The following ADGRL4 variants were observed in gnomAD, a reference collection of about 807,000 sequenced individuals.
The protein encoded by ADGRL4 is EGF, latrophilin and seven transmembrane domain containing 1.
A neutral mutation model predicts 74.8 loss-of-function variants in ADGRL4; 90 were observed. That is an observed-to-expected ratio of 1.20 (90% CI 1.02 to 1.43). ADGRL4 has a LOEUF of 1.43. Ranked by LOEUF, ADGRL4 falls within the 40% of genes most tolerant of loss-of-function variation. The pLI, the probability that ADGRL4 is intolerant of heterozygous loss-of-function variation, is 0.00. For missense variants in ADGRL4, 881 were observed against 814.3 expected (o/e 1.08, Z -1.00); for synonymous variants, 311 against 279.2 (o/e 1.11, Z -1.14).
chr1:78,903,835 C>T (rs928884443), intron 12 of ADGRL4, among the ~76,000 whole-genome samples: 8 of 151,948 alleles, frequency 5.3e-5, no homozygotes, highest in Middle Eastern at 3.4e-3. Context: ...ACTCAGGAGG[C>T]TGAGGCAGGA....
intron 3 of ADGRL4, among the ~76,000 whole-genome samples, chr1:78,941,285 A>G (rs192235814): frequency 4.2e-4 from 64 of 152,322 alleles, no homozygotes; most frequent in Admixed American, 1.2e-3. Flanking sequence ...ATCACTTGTC[A>G]TGAAATCAAT....
rs1570215692 is a variant in ADGRL4, at chr1:78,904,980, T to C, written c.1750-11791A>G. The stretch of plus-strand genomic sequence containing the variant: ...TTGAAGTGACCAAAACTACATATAA[T>C]GTGTATTTATTCAACAATTGGATAA... On this transcript the variant is annotated intron_variant, in intron 12 of 14. Coordinates refer to ENST00000370742, the MANE Select transcript of ADGRL4 (RefSeq NM_022159.4). Among the ~76,000 whole-genome samples, 4 of 152,188 alleles carry C rather than the reference T, an allele frequency of 2.6e-5. No individual in the cohort carries two copies. In the South Asian group the frequency reaches 6.2e-4, roughly 24 times the overall value.
At chr1:78,989,176 T>G (rs7540635) in intron 2 of ADGRL4, among the ~76,000 whole-genome samples, 91,572 of 151,440 alleles carry the variant, frequency 0.6, 27,991 homozygotes, top group South Asian at 0.69. Flanking sequence ...GTTTCCAAAT[T>G]TTGATAATAT....
At chr1:78,924,295 AT>A (rs1234138998) in intron 8 of ADGRL4, among the ~76,000 whole-genome samples, 6 of 152,046 alleles carry the variant, frequency 3.9e-5, no homozygotes, top group Non-Finnish European at 8.8e-5. Flanking sequence ...GTATATGTAT[AT>A]TTATATAAAA....
At chr1:78,893,058 CAAAAAAAA>C in intron 13 of ADGRL4, 32 bp downstream of exon 13, 1 of 847,864 alleles carries the variant, frequency 1.2e-6, no homozygotes, top group Non-Finnish European at 1.7e-6. Flanking sequence ...TTTTAATTAC[CAAAAAAAA>C]AAAAAAAAAG....
intron 2 of ADGRL4, among the ~76,000 whole-genome samples, chr1:78,958,133 C>T (rs961168409): frequency 1.3e-5 from 2 of 151,888 alleles, no homozygotes; most frequent in African/African-American, 4.8e-5. Context: ...AGGTTCCTTT[C>T]AAAATATTAC....
intron 2 of ADGRL4, among the ~76,000 whole-genome samples, chr1:78,954,403 A>G (rs1008997279): frequency 1.3e-5 from 2 of 152,130 alleles, no homozygotes; most frequent in Non-Finnish European, 2.9e-5. Context: ...TTCAAAATCT[A>G]ACATAAGAGA....
At chr1:78,950,087 G>A (rs1649690030) in intron 2 of ADGRL4, among the ~76,000 whole-genome samples, 1 of 152,066 alleles carries the variant, frequency 6.6e-6, no homozygotes, top group South Asian at 2.1e-4. Flanking sequence ...TAGTACAGTG[G>A]CAACTGGAAG....
intron 12 of ADGRL4, among the ~76,000 whole-genome samples, chr1:78,901,874 A>T (rs901327472): frequency 6.6e-6 from 1 of 152,152 alleles, no homozygotes; most frequent in East Asian, 1.9e-4. Context: ...GAGCTAAAAG[A>T]TATTTCTCTG....
intron 2 of ADGRL4, among the ~76,000 whole-genome samples, chr1:78,973,508 A>C (rs1179886895): frequency 1.3e-5 from 2 of 151,278 alleles, no homozygotes; most frequent in East Asian, 3.9e-4. Flanking sequence ...TACAAATTAA[A>C]TAAAATGTAA....
chr1:79,004,700 C>T (rs1317606005), intron 2 of ADGRL4, among the ~76,000 whole-genome samples: 1 of 152,028 alleles, frequency 6.6e-6, no homozygotes, highest in Non-Finnish European at 1.5e-5. Flanking sequence ...TATAAAAATA[C>T]TTATATACTT....
At chr1:78,927,474 T>C (rs1380367865) in intron 7 of ADGRL4, among the ~76,000 whole-genome samples, 1 of 152,094 alleles carries the variant, frequency 6.6e-6, no homozygotes, top group Non-Finnish European at 1.5e-5. Flanking sequence ...TTAAGAGGTA[T>C]TGGGAGGAAA....
At chr1:78,943,804 T>C (rs370959477) in intron 3 of ADGRL4, among the ~76,000 whole-genome samples, 10 of 152,216 alleles carry the variant, frequency 6.6e-5, no homozygotes, top group African/African-American at 2.4e-4. Context: ...ACAACAAAAA[T>C]TGATGAGAAA....
chr1:78,913,498 T>C (rs1648806468), intron 12 of ADGRL4, among the ~76,000 whole-genome samples: 1 of 151,852 alleles, frequency 6.6e-6, no homozygotes. Flanking sequence ...TGGAGGTCAT[T>C]ATCCTTTGCA....
Position 78,936,378 on chromosome 1 carries a change from A to G in ADGRL4, c.794T>C (p.Met265Thr), listed in dbSNP as rs1171796727. 3 of 1,571,338 alleles carry G rather than the reference A, an allele frequency of 1.9e-6. No homozygotes were observed. The Admixed American group carries it at 6.3e-5, about 33-fold the overall frequency. ...ATTCATATGAGGATGAATATGTTTC[A>G]TGTTATATGAATCAAAAAAGAAAAC... ...LKVFFFDSYNMKHIHPHMNMD... is the reference protein window; with the variant it reads ...LKVFFFDSYNTKHIHPHMNMD... Residue 265 changes from methionine (M) to threonine (T), a missense_variant, in exon 7 of 15, where the codon ATG becomes ACG. Transcript: ENST00000370742.
At chr1:78,938,052 G>A in intron 5 of ADGRL4, 48 bp downstream of exon 5, 3 of 1,603,198 alleles carry the variant, frequency 1.9e-6, no homozygotes, top group Non-Finnish European at 2.6e-6. Flanking sequence ...CAAATGAAAG[G>A]AAAAATTCAA....
intron 6 of ADGRL4, 149 bp from the exon 7 acceptor site, chr1:78,936,560 C>T (rs1649358799): frequency 1.4e-6 from 1 of 727,448 alleles, no homozygotes; most frequent in Admixed American, 4.2e-5. Context: ...TGTGTTTGGA[C>T]AATGTAATGT....
chr1:79,005,801 T>C (rs1174395800), intron 1 of ADGRL4, among the ~76,000 whole-genome samples: 4 of 152,192 alleles, frequency 2.6e-5, no homozygotes, highest in Non-Finnish European at 4.4e-5. Context: ...TTATTCATAA[T>C]AAAATTTATT....
At chr1:78,921,995 G>A (rs79981272) in intron 8 of ADGRL4, among the ~76,000 whole-genome samples, 6,863 of 151,910 alleles carry the variant, frequency 0.045, 213 homozygotes, top group African/African-American at 0.077. Context: ...ACAAACGTGT[G>A]GTAATTTTCA....
Sources: allele counts gnomAD v4.1 joint callset (sites outside exome capture counted in the v4.1 genomes callset), GRCh38; gene constraint gnomAD v4.1.1; transcripts MANE v1.5; gene names NCBI Gene and HGNC (gene_info 2026-07-23, HGNC 2026-07-21).